KIAA1549L: variants seen among roughly 807,000 people sequenced by gnomAD.
The protein encoded by KIAA1549L is UPF0606 protein KIAA1549L.
In KIAA1549L, 88 loss-of-function variants were observed where a neutral mutation model predicts 160.7. The observed-to-expected ratio is 0.55, with a 90% confidence interval of 0.46 to 0.65. The LOEUF (loss-of-function observed/expected upper bound fraction) is 0.65. Ranked by LOEUF, KIAA1549L falls within the 30% of genes least tolerant of loss-of-function variation. The pLI is 0.00. For missense variants in KIAA1549L, 2,258 were observed against 2,437.5 expected, an observed-to-expected ratio of 0.93 and a Z score of 1.55; for synonymous variants, 950 against 976.7, an observed-to-expected ratio of 0.97 and a Z score of 0.51.
chr11:33,639,461 G>A (rs566012834), intron 16 of KIAA1549L, among the ~76,000 whole-genome samples: 1 of 152,254 alleles, frequency 6.6e-6, no homozygotes, highest in African/African-American at 2.4e-5. Flanking sequence ...ATAATTACGT[G>A]TATATCCTCT....
At chr11:33,666,144 G>A (rs551479317) in intron 20 of KIAA1549L, among the ~76,000 whole-genome samples, 1 of 152,134 alleles carries the variant, frequency 6.6e-6, no homozygotes, top group Admixed American at 6.5e-5. Flanking sequence ...TTGGGTGGCT[G>A]TAGCCCCACC....
At chr11:33,646,359 AC>A (rs1284284195) in intron 17 of KIAA1549L, among the ~76,000 whole-genome samples, 1 of 152,158 alleles carries the variant, frequency 6.6e-6, no homozygotes, top group African/African-American at 2.4e-5. Flanking sequence ...CAAGCCTGAG[AC>A]CCATTTTAAA....
At chr11:33,440,120 C>CTTTTTTTTTTTTTTTTTTTTTTTTTTTTT (rs201551936) in intron 1 of KIAA1549L, among the ~76,000 whole-genome samples, 1 of 83,424 alleles carries the variant, frequency 1.2e-5, no homozygotes, top group Non-Finnish European at 2.5e-5. Context: ...TATTTTGTTT[C>CTTTTTTTTTTTTTTTTTTTTTTTTTTTTT]TTTTTTTTTT....
chr11:33,391,144 A>G (rs965105593), intron 1 of KIAA1549L, among the ~76,000 whole-genome samples: 1 of 152,240 alleles, frequency 6.6e-6, no homozygotes, highest in Non-Finnish European at 1.5e-5. Context: ...GGTACAACCT[A>G]GTAGGCACTC....
chr11:33,417,304 G>A (rs745591306), intron 1 of KIAA1549L, among the ~76,000 whole-genome samples: 16 of 152,208 alleles, frequency 1.1e-4, no homozygotes, highest in Non-Finnish European at 1.8e-4. Flanking sequence ...CACAGCATGC[G>A]CATGACACCC....
intron 1 of KIAA1549L, among the ~76,000 whole-genome samples, chr11:33,432,436 T>TG (rs934644528): frequency 2.0e-5 from 3 of 152,232 alleles, no homozygotes; most frequent in Non-Finnish European, 2.9e-5. Flanking sequence ...TAAATGGATA[T>TG]GGGTTTTTTT....
At chr11:33,489,859 G>C (rs1486334890) in intron 1 of KIAA1549L, among the ~76,000 whole-genome samples, 1 of 152,144 alleles carries the variant, frequency 6.6e-6, no homozygotes, top group Admixed American at 6.5e-5. Flanking sequence ...CACTGCAACA[G>C]TTAATAAAAA....
intron 17 of KIAA1549L, among the ~76,000 whole-genome samples, chr11:33,655,754 C>T (rs1852041818): frequency 6.6e-6 from 1 of 152,136 alleles, no homozygotes; most frequent in Admixed American, 6.5e-5. Flanking sequence ...GGAAGAAAAG[C>T]CCAAGGTGAG....
At chr11:33,562,805 A>G (rs569318706) in intron 8 of KIAA1549L, among the ~76,000 whole-genome samples, 164 of 151,608 alleles carry the variant, frequency 1.1e-3, no homozygotes, top group African/African-American at 3.9e-3. Flanking sequence ...CAGCCTCCCA[A>G]GTAGCTGGGA....
intron 6 of KIAA1549L, among the ~76,000 whole-genome samples, chr11:33,554,299 C>T (rs1224670183): frequency 3.9e-5 from 6 of 152,098 alleles, no homozygotes; most frequent in Admixed American, 1.3e-4. Context: ...ATTGAAAAAT[C>T]GACTTAACAA....
chr11:33,643,565 A>G (rs1851643595), intron 16 of KIAA1549L, among the ~76,000 whole-genome samples: 1 of 152,160 alleles, frequency 6.6e-6, no homozygotes, highest in Non-Finnish European at 1.5e-5. Flanking sequence ...TCCGTTATGT[A>G]TCAGGGAGAC....
chr11:33,525,683 C>T (rs927016461), intron 1 of KIAA1549L, among the ~76,000 whole-genome samples: 12 of 151,952 alleles, frequency 7.9e-5, no homozygotes, highest in African/African-American at 2.9e-4. Flanking sequence ...GCCTGACAGC[C>T]CCACTTGCTT....
At chr11:33,614,851 T>C (rs991688653) in intron 15 of KIAA1549L, among the ~76,000 whole-genome samples, 8 of 151,634 alleles carry the variant, frequency 5.3e-5, no homozygotes, top group Non-Finnish European at 1.0e-4. Context: ...GACCTCTTGA[T>C]TGGCTTGCCT....
At chr11:33,538,455 G>A (rs991191199) in intron 1 of KIAA1549L, among the ~76,000 whole-genome samples, 1 of 152,144 alleles carries the variant, frequency 6.6e-6, no homozygotes, top group African/African-American at 2.4e-5. Context: ...AAAAGATCAT[G>A]TACTAGCACG....
At chr11:33,582,898 A>G (rs1475618644) in intron 10 of KIAA1549L, among the ~76,000 whole-genome samples, 1 of 152,130 alleles carries the variant, frequency 6.6e-6, no homozygotes, top group Non-Finnish European at 1.5e-5. Context: ...TGACTACACT[A>G]CAATATTGAG....
Position 33,435,794 on chromosome 11 carries a change from AT to A in KIAA1549L, c.238+58906del, listed in dbSNP as rs1226486517. ...TATATATATATATATATATATATAT[AT>A]ATATATATATATATATGTGTGTGTA... On this transcript the variant is annotated intron_variant, in intron 1 of 20. Coordinates refer to ENST00000658780, the MANE Select transcript of KIAA1549L (RefSeq NM_012194.3). 4.5e-3 allele frequency among the ~76,000 whole-genome samples: 146 copies of A among 32,318 alleles called. 6 individuals carry two copies. The highest frequency in any genetic ancestry group is 0.026 in the East Asian group (41 of 1,600). 21.2% of individuals were successfully genotyped at this position (32,318 alleles called of 152,430 possible).
chr11:33,561,845 T>G (rs1590345639), intron 8 of KIAA1549L, 110 bp downstream of exon 8: 2 of 778,822 alleles, frequency 2.6e-6, no homozygotes, highest in Non-Finnish European at 4.4e-6. Flanking sequence ...GCTCCTGTCT[T>G]ATAAGTCAGG....
At chr11:33,639,643 G>A (rs1367162440) in intron 16 of KIAA1549L, among the ~76,000 whole-genome samples, 1 of 152,132 alleles carries the variant, frequency 6.6e-6, no homozygotes, top group Non-Finnish European at 1.5e-5. Flanking sequence ...GGGCTCAAGC[G>A]ATTCTCCTGC....
At chr11:33,468,066 CATT>C (rs1218575294) in intron 1 of KIAA1549L, among the ~76,000 whole-genome samples, 1 of 152,194 alleles carries the variant, frequency 6.6e-6, no homozygotes, top group Non-Finnish European at 1.5e-5. Context: ...ATTTCTCCAT[CATT>C]ATAAATAGCT....
Sources: gnomAD v4.1 joint callset for allele counts (sites outside exome capture counted in the v4.1 genomes callset) on GRCh38, gnomAD v4.1.1 for gene constraint, MANE v1.5 for transcripts, NCBI Gene and HGNC (gene_info 2026-07-23, HGNC 2026-07-21) for gene names.